The following OSMR variants were observed in gnomAD, a reference collection of about 807,000 sequenced individuals.
OSMR encodes oncostatin M receptor, also known as oncostatin-M-specific receptor subunit beta.
A neutral mutation model predicts 99.9 loss-of-function variants in OSMR; 81 were observed. The observed-to-expected ratio is 0.81, with a 90% CI of 0.68 to 0.97. The LOEUF (loss-of-function observed/expected upper bound fraction) is 0.97. OSMR is among the 50% of genes least tolerant of loss of function. OSMR has a pLI of 0.00. For missense variants in OSMR, 1,099 were observed against 1,153.4 expected (o/e 0.95, Z 0.68); for synonymous variants, 406 against 410.4 (o/e 0.99, Z 0.13).
intron 9 of OSMR, among the ~76,000 whole-genome samples, chr5:38,917,014 C>G (rs1745938831): frequency 6.6e-6 from 1 of 152,000 alleles, no homozygotes; most frequent in African/African-American, 2.4e-5. Context: ...GCAGGTGACC[C>G]AGGCGCAGGC....
In OSMR at chr5:38,933,327, C is replaced by T; in HGVS notation, c.2823C>T (p.His941=). The T allele has an allele frequency of 6.2e-7, 1 of 1,614,208 alleles. No homozygotes were observed. The highest frequency in any genetic ancestry group is 8.5e-7 in the Non-Finnish European group (1 of 1,180,008). The change falls in exon 18 of 18, where the codon CAC becomes CAT. Residue 941 remains histidine (H), a synonymous_variant. Coordinates refer to ENST00000274276, the MANE Select transcript of OSMR (RefSeq NM_003999.3). ...SLPTNPVEAP[H]CSEYKMQMAV... Reference sequence around the variant, plus strand: ...CAACAAACCCAGTAGAGGCACCACACTGTTCAGAGTATAAAATGCAAATGG... The same window carrying T: ...CAACAAACCCAGTAGAGGCACCACATTGTTCAGAGTATAAAATGCAAATGG...
At chr5:38,882,382 C>T (rs1484370857) in intron 4 of OSMR, among the ~76,000 whole-genome samples, 1 of 152,158 alleles carries the variant, frequency 6.6e-6, no homozygotes. Context: ...CAAGACCAGC[C>T]TGGGAAACAT....
chr5:38,923,351 C>T (rs563949587), intron 13 of OSMR, 97 bp downstream of exon 13: 2 of 774,076 alleles, frequency 2.6e-6, no homozygotes, highest in African/African-American at 1.7e-5. Context: ...AGCACCATAC[C>T]CAACTTTTGG....
chr5:38,932,815 A>T (rs1746821584), intron 17 of OSMR, 57 bp from the exon 18 acceptor site: 2 of 1,609,320 alleles, frequency 1.2e-6, no homozygotes, highest in Non-Finnish European at 1.7e-6. Flanking sequence ...ATATACTTTG[A>T]TGCATGCATG....
intron 6 of OSMR, 29 bp downstream of exon 6, chr5:38,885,513 A>G (rs201854001): frequency 3.3e-5 from 53 of 1,613,664 alleles, no homozygotes; most frequent in Non-Finnish European, 6.8e-6. Flanking sequence ...CATTATTGAC[A>G]ACTTCTTCCT....
intron 5 of OSMR, chr5:38,885,096 G>A (rs908110340): frequency 2.9e-6 from 2 of 686,238 alleles, no homozygotes; most frequent in East Asian, 2.7e-4. Context: ...CATAGCATCA[G>A]CCACTTGCAT....
rs1411392751 is a variant in OSMR, at chr5:38,933,406, T to C, written c.2902T>C (p.Ser968Pro). 6.2e-7 allele frequency: 1 copy of C among 1,613,916 alleles called. No individual in the cohort carries two copies. The highest frequency in any genetic ancestry group is 8.5e-7 in the Non-Finnish European group (1 of 1,179,974). The change falls in exon 18 of 18, where the codon TCA becomes CCA. Residue 968 changes from serine (S) to proline (P), a missense_variant. By Grantham distance (74) the Ser-to-Pro change is moderately conservative. Transcript: ENST00000274276. ...PPPTENSSLS[S>P]ITLLDPGEHY... is the part of the protein sequence containing the mutation. ...CCCGACCGAGAATAGCAGCCTCTCC[T>C]CAATTACCCTTTTAGATCCAGGTGA...
intron 7 of OSMR, among the ~76,000 whole-genome samples, chr5:38,892,600 A>C (rs1005119724): frequency 2.4e-4 from 36 of 152,136 alleles, no homozygotes; most frequent in African/African-American, 8.2e-4. Flanking sequence ...ATGTCCCCCC[A>C]TACAAGAAGT....
chr5:38,881,540 T>C (rs1467659975), intron 3 of OSMR, 53 bp from the exon 4 acceptor site: 1 of 1,613,920 alleles, frequency 6.2e-7, no homozygotes, highest in East Asian at 2.2e-5. Flanking sequence ...AGTCAAGCTA[T>C]TTTATAGGAC....
rs371952208 is a variant in OSMR at position 38,917,534 on chromosome 5, G to C, written c.1286-12G>C. ...TATTGTGACTCAAGAACTTTTCTTT[G>C]GTTAATTTCAGCTCCCTCAGAGGCC... On this transcript the variant is annotated splice_polypyrimidine_tract_variant and intron_variant, in intron 9 of 17. Coordinates refer to ENST00000274276, the MANE Select transcript of OSMR (RefSeq NM_003999.3). 2.2e-5 allele frequency: 36 copies of C among 1,612,330 alleles called. No homozygotes were observed. Among genetic ancestry groups the C allele is most frequent in the Non-Finnish European group, 2.8e-5 (33 of 1,178,750 alleles).
chr5:38,925,370 CT>C lies in OSMR; in HGVS notation c.2212del (p.Ser738ProfsTer4). The C allele has an allele frequency of 2.5e-6, 4 of 1,613,068 alleles. No homozygotes were observed. The highest frequency in any genetic ancestry group is 3.4e-6 in the Non-Finnish European group (4 of 1,179,022). ...FTKVTTPDEHSSMLIHILLPM... is the reference protein window; with the variant it reads ...FTKVTTPDEHXSMLIHILLPM... Reference sequence around the variant, plus strand: ...CGAAGGTCACGACTCCGGATGAACACTGTGAGTTTTCCCAAATCAAAGTTCT... The same window carrying C: ...CGAAGGTCACGACTCCGGATGAACACGTGAGTTTTCCCAAATCAAAGTTCT... On this transcript the variant is annotated frameshift_variant and splice_region_variant, in exon 15 of 18. Coordinates refer to ENST00000274276, the MANE Select transcript of OSMR (RefSeq NM_003999.3). LOFTEE classifies it high-confidence loss of function.
intron 1 of OSMR, among the ~76,000 whole-genome samples, chr5:38,857,124 T>A (rs1740916339): frequency 6.6e-6 from 1 of 152,236 alleles, no homozygotes; most frequent in Non-Finnish European, 1.5e-5. Flanking sequence ...TTCTGCCCTA[T>A]AACCTTAATT....
At chr5:38,877,972 G>A (rs555320614) in intron 3 of OSMR, among the ~76,000 whole-genome samples, 2 of 152,192 alleles carry the variant, frequency 1.3e-5, no homozygotes, top group East Asian at 3.9e-4. Flanking sequence ...GACCCTTCAG[G>A]GTAGAGTTTT....
At chr5:38,852,938 A>C (rs1740530194) in intron 1 of OSMR, among the ~76,000 whole-genome samples, 1 of 151,532 alleles carries the variant, frequency 6.6e-6, no homozygotes, top group African/African-American at 2.4e-5. Context: ...TCACCGTGTT[A>C]GCCAGGATGG....
At chr5:38,897,731 TTC>T (rs1236763171) in intron 7 of OSMR, among the ~76,000 whole-genome samples, 1 of 152,132 alleles carries the variant, frequency 6.6e-6, no homozygotes, top group East Asian at 1.9e-4. Context: ...GAAGTTTTTC[TTC>T]TGTTTTGATG....
At chr5:38,889,795 G>A (rs1341506427) in intron 7 of OSMR, among the ~76,000 whole-genome samples, 1 of 152,012 alleles carries the variant, frequency 6.6e-6, no homozygotes, top group East Asian at 1.9e-4. Flanking sequence ...ATTGTGTTTT[G>A]TTGTTGTTGA....
At chr5:38,878,888 C>G (rs1743040297) in intron 3 of OSMR, among the ~76,000 whole-genome samples, 2 of 152,172 alleles carry the variant, frequency 1.3e-5, no homozygotes, top group African/African-American at 4.8e-5. Flanking sequence ...GGGGGAAATA[C>G]AACTCATTGC....
chr5:38,869,409 G>A (rs1742199377), intron 2 of OSMR, among the ~76,000 whole-genome samples: 1 of 152,126 alleles, frequency 6.6e-6, no homozygotes, highest in Admixed American at 6.5e-5. Flanking sequence ...TTTCATGATG[G>A]ATATATTTTA....
chr5:38,930,510 G>A (rs1029280903), intron 15 of OSMR, among the ~76,000 whole-genome samples: 4 of 152,192 alleles, frequency 2.6e-5, no homozygotes, highest in Non-Finnish European at 4.4e-5. Flanking sequence ...GAGGCAAATG[G>A]ATTGAACAGA....
Sources: allele counts gnomAD v4.1 joint callset (sites outside exome capture counted in the v4.1 genomes callset), GRCh38; gene constraint gnomAD v4.1.1; transcripts MANE v1.5; gene names NCBI Gene and HGNC (gene_info 2026-07-23, HGNC 2026-07-21).